The following ZBED6 variants were observed in gnomAD, a reference collection of about 807,000 sequenced individuals.
The protein encoded by ZBED6 is zinc finger BED-type containing 6, also known as zinc finger BED domain-containing protein 6.
A neutral mutation model predicts 58.4 loss-of-function variants in ZBED6; 40 were observed. That is an observed-to-expected ratio of 0.68 (90% CI 0.53 to 0.89). ZBED6 has a LOEUF of 0.89. Ranked by LOEUF, ZBED6 falls within the 40% of genes least tolerant of loss-of-function variation. The pLI, the probability that ZBED6 is intolerant of heterozygous loss-of-function variation, is 0.00. For missense variants in ZBED6, 1,057 were observed against 1,003.9 expected, an observed-to-expected ratio of 1.05 and a Z score of -0.71; for synonymous variants, 439 against 350.6, an observed-to-expected ratio of 1.25 and a Z score of -2.82.
exon 1 of ZBED6, chr1:203,798,148 C>G: frequency 6.5e-7 from 1 of 1,536,106 alleles, no homozygotes; most frequent in Non-Finnish European, 8.7e-7. Flanking sequence ...TCTCCCTCTT[C>G]TGGAAGCAAT....
chr1:203,808,627 T>C (rs1673177552), intron 1 of ZBED6, among the ~76,000 whole-genome samples: 1 of 152,206 alleles, frequency 6.6e-6, no homozygotes, highest in Non-Finnish European at 1.5e-5. Flanking sequence ...TAGTGACATA[T>C]GTTGGCATTT....
At chr1:203,834,293 CAA>C (rs1462138821) in intron 9 of ZBED6, among the ~76,000 whole-genome samples, 1 of 152,082 alleles carries the variant, frequency 6.6e-6, no homozygotes, top group Non-Finnish European at 1.5e-5. Context: ...TATTTAGAGA[CAA>C]GAGTCTTGTT....
chr1:203,821,965 G>C (rs1257842526), intron 3 of ZBED6, among the ~76,000 whole-genome samples: 1 of 152,094 alleles, frequency 6.6e-6, no homozygotes, highest in African/African-American at 2.4e-5. Flanking sequence ...CACCGTGTTA[G>C]CCAGGATGGT....
At chr1:203,841,530 A>G (rs1404507397) in intron 11 of ZBED6, among the ~76,000 whole-genome samples, 4 of 152,346 alleles carry the variant, frequency 2.6e-5, no homozygotes, top group South Asian at 4.1e-4. Flanking sequence ...TACAGAACAA[A>G]ATGGAGTCTC....
chr1:203,830,204 G>A lies in ZBED6; in HGVS notation c.*3399+1G>A. 1 of 1,596,690 alleles carries A rather than the reference G, an allele frequency of 6.3e-7. No homozygotes were observed. The highest frequency in any genetic ancestry group is 8.5e-7 in the Non-Finnish European group (1 of 1,174,716). ...AAGGAAAAATCTAAGAAGCAAGGTG[G>A]TAAGTCATCACGTTTTGGCATGGAT... On this transcript the variant is annotated splice_donor_variant, in intron 7 of 16. Coordinates refer to ENST00000550078, the Ensembl canonical transcript of ZBED6. LOFTEE classifies it low-confidence loss of function (3UTR_SPLICE).
chr1:203,819,586 G>A (rs1677779883), intron 3 of ZBED6, among the ~76,000 whole-genome samples: 1 of 126,182 alleles, frequency 7.9e-6, no homozygotes, highest in Non-Finnish European at 1.6e-5. Context: ...CCAGGCTGGA[G>A]TGTAATAGCA....
rs560617871 is a variant in ZBED6 at position 203,816,916 on chromosome 1, C to T, written c.*2555-10C>T. 3.3e-4 allele frequency: 175 copies of T among 531,466 alleles called. No individual in the cohort carries two copies. The Middle Eastern group carries it at 6.7e-3, about 20-fold the overall frequency. 32.9% of individuals were successfully genotyped at this position (531,466 alleles called of 1,614,324 possible). ...CTGAAATATTTTAATTCATTGTCTC[C>T]TCATTTTAGGATTACAGTTTAAAGA... On this transcript the variant is annotated splice_polypyrimidine_tract_variant and intron_variant, in intron 1 of 16. Coordinates refer to ENST00000550078, the Ensembl canonical transcript of ZBED6.
chr1:203,842,100 C>T (rs1472817590), intron 11 of ZBED6, among the ~76,000 whole-genome samples: 1 of 150,954 alleles, frequency 6.6e-6, no homozygotes, highest in Admixed American at 6.6e-5. Flanking sequence ...GGAAGAGGCG[C>T]TCCTCACTTC....
intron 1 of ZBED6, among the ~76,000 whole-genome samples, chr1:203,811,402 C>A (rs1221398851): frequency 6.6e-6 from 1 of 152,222 alleles, no homozygotes; most frequent in Non-Finnish European, 1.5e-5. Flanking sequence ...TTCATTGTTT[C>A]AATTACTTTG....
chr1:203,834,947 A>G (rs1683779342), intron 9 of ZBED6, among the ~76,000 whole-genome samples: 1 of 152,222 alleles, frequency 6.6e-6, no homozygotes. Flanking sequence ...CTGGCCTTCA[A>G]AAAATTATTT....
chr1:203,817,557 G>T (rs1171657144), intron 2 of ZBED6, among the ~76,000 whole-genome samples: 2 of 152,014 alleles, frequency 1.3e-5, no homozygotes, highest in African/African-American at 4.8e-5. Flanking sequence ...ATTTCCTGCT[G>T]AGTACTAAGA....
rs774900727 is a variant in ZBED6 at position 203,848,306 on chromosome 1, AATG to A, written c.*4246-21_*4246-19del. 1.9e-6 allele frequency: 3 copies of A among 1,577,264 alleles called. No individual in the cohort carries two copies. The South Asian group carries it at 3.5e-5, about 18-fold the overall frequency. On this transcript the variant is annotated intron_variant, in intron 12 of 16. Coordinates refer to ENST00000550078, the Ensembl canonical transcript of ZBED6. The stretch of plus-strand genomic sequence containing the variant: ...AAGTTGCAGCTTAAATAAAATAACT[AATG>A]ATGTCTTTAATGTGAATACAGGGAT...
chr1:203,808,799 C>T (rs1322980721), intron 1 of ZBED6, among the ~76,000 whole-genome samples: 5 of 151,994 alleles, frequency 3.3e-5, no homozygotes, highest in African/African-American at 1.2e-4. Flanking sequence ...TCGCCATCTT[C>T]TTCTTTTTTT....
chr1:203,813,971 G>GT (rs34130261), intron 1 of ZBED6, among the ~76,000 whole-genome samples: 31 of 146,160 alleles, frequency 2.1e-4, no homozygotes, highest in African/African-American at 4.0e-4. Context: ...ATACATTCTT[G>GT]TTTTTTTTTT....
exon 1 of ZBED6, chr1:203,801,500 T>C (rs902491228): frequency 6.6e-6 from 1 of 152,518 alleles, no homozygotes; most frequent in Admixed American, 6.5e-5. Flanking sequence ...ATGATGACTT[T>C]TAGTAAAAGT....
At chr1:203,847,158 G>C in intron 11 of ZBED6, 26 bp from the exon 12 acceptor site, 1 of 1,609,578 alleles carries the variant, frequency 6.2e-7, no homozygotes, top group Non-Finnish European at 8.5e-7. Context: ...CAAGTATAAT[G>C]ACATGTTTTT....
chr1:203,799,218 T>G, exon 1 of ZBED6: 1 of 944,244 alleles, frequency 1.1e-6, no homozygotes, highest in Non-Finnish European at 1.7e-6. Flanking sequence ...TTCTGACAAT[T>G]CCTCTAATGT....
chr1:203,799,513 C>G lies in ZBED6; in HGVS notation c.1991C>G (p.Ser664Ter). Residue 664 changes from serine (S) to a stop codon, truncating the protein, a stop_gained, in exon 1 of 17, where the codon TCA becomes TGA. Coordinates refer to ENST00000550078, the Ensembl canonical transcript of ZBED6. LOFTEE classifies it high-confidence loss of function. ...AAATGGCTCTTGGAGCATTGCTACT[C>G]AGTTCACCATAGTCTTGGTAGAGCC... 1 of 703,008 alleles carries G rather than the reference C, an allele frequency of 1.4e-6. No individual in the cohort carries two copies. Among genetic ancestry groups the G allele is most frequent in the Non-Finnish European group, 2.6e-6 (1 of 385,026 alleles). 43.5% of individuals were successfully genotyped at this position (703,008 alleles called of 1,614,324 possible). A position where few individuals can be genotyped will look rare whatever the true frequency, so the allele number is the denominator to read the frequency against.
At chr1:203,832,342 T>C (rs1456259174) in intron 8 of ZBED6, among the ~76,000 whole-genome samples, 1 of 152,026 alleles carries the variant, frequency 6.6e-6, no homozygotes, top group Non-Finnish European at 1.5e-5. Flanking sequence ...ATTACAGGTG[T>C]GAGCCACCGT....
Sources: allele counts gnomAD v4.1 joint callset (sites outside exome capture counted in the v4.1 genomes callset), GRCh38; gene constraint gnomAD v4.1.1; transcripts MANE v1.5; gene names NCBI Gene and HGNC (gene_info 2026-07-23, HGNC 2026-07-21).